The following DRD2 variants were observed in gnomAD, a reference collection of about 807,000 sequenced individuals.
The protein encoded by DRD2 is D(2) dopamine receptor.
DRD2 carries 8 observed loss-of-function variants against 38.0 expected under a neutral mutation model. The observed-to-expected ratio is 0.21, with a 90% CI of 0.12 to 0.38. DRD2 has a LOEUF of 0.38. DRD2 is among the 10% of genes least tolerant of loss of function. The probability of loss-of-function intolerance (pLI) is 1.00; values close to 1 mark genes in which losing one functional copy is unlikely to be tolerated. For missense variants in DRD2, 403 were observed against 607.7 expected (o/e 0.66, Z 3.54); for synonymous variants, 230 against 238.6 (o/e 0.96, Z 0.33).
chr11:113,413,317 C>G (rs1399506936), intron 6 of DRD2: 1 of 535,294 alleles, frequency 1.9e-6, no homozygotes, highest in Non-Finnish European at 3.7e-6. Flanking sequence ...GGGCCCAGTG[C>G]TCCCACTTCA....
At chr11:113,421,218 C>T (rs1950881093) in intron 2 of DRD2, among the ~76,000 whole-genome samples, 1 of 152,168 alleles carries the variant, frequency 6.6e-6, no homozygotes, top group African/African-American at 2.4e-5. Context: ...TGAAAGTCTT[C>T]CCTGACACCC....
intron 1 of DRD2, among the ~76,000 whole-genome samples, chr11:113,463,277 G>C (rs1040527385): frequency 6.6e-6 from 1 of 152,212 alleles, no homozygotes; most frequent in African/African-American, 2.4e-5. Flanking sequence ...TTTGGAGCTG[G>C]TTAAATTGGG....
At chr11:113,452,609 A>G (rs1329974073) in intron 1 of DRD2, among the ~76,000 whole-genome samples, 1 of 150,218 alleles carries the variant, frequency 6.7e-6, no homozygotes, top group Non-Finnish European at 1.5e-5. Context: ...ACCACTGGAT[A>G]TCCCAGTAGT....
intron 1 of DRD2, among the ~76,000 whole-genome samples, chr11:113,431,929 C>T (rs1950991133): frequency 6.6e-6 from 1 of 152,256 alleles, no homozygotes; most frequent in Non-Finnish European, 1.5e-5. Flanking sequence ...CCACCCTGCT[C>T]AGGCCACCCA....
At chr11:113,432,593 G>C (rs1181385966) in intron 1 of DRD2, among the ~76,000 whole-genome samples, 1 of 152,170 alleles carries the variant, frequency 6.6e-6, no homozygotes, top group Admixed American at 6.5e-5. Flanking sequence ...TCTTTTCTGA[G>C]ATGCAAAGCA....
intron 1 of DRD2, among the ~76,000 whole-genome samples, chr11:113,451,387 C>T (rs1249188416): frequency 1.3e-5 from 2 of 152,086 alleles, no homozygotes; most frequent in African/African-American, 2.4e-5. Context: ...GATTTTGTTG[C>T]CCTGTGAGAC....
At chr11:113,413,860 T>C (rs1404447766) in intron 6 of DRD2, 1 of 229,154 alleles carries the variant, frequency 4.4e-6, no homozygotes, top group African/African-American at 2.3e-5. Flanking sequence ...GCAGCTGCTC[T>C]GCTGCGTCCT....
intron 1 of DRD2, among the ~76,000 whole-genome samples, chr11:113,451,970 T>G (rs148970486): frequency 5.9e-4 from 90 of 152,304 alleles, no homozygotes; most frequent in Non-Finnish European, 9.8e-4. Context: ...CTGAGTGAGC[T>G]CCATTGTCCC....
At chr11:113,425,799 G>C (rs1950936409) in intron 1 of DRD2, among the ~76,000 whole-genome samples, 1 of 152,172 alleles carries the variant, frequency 6.6e-6, no homozygotes, top group Non-Finnish European at 1.5e-5. Context: ...CTAAATGAGA[G>C]GGGTGGGGGG....
At chr11:113,469,973 G>A (rs941901990) in intron 1 of DRD2, among the ~76,000 whole-genome samples, 2 of 152,176 alleles carry the variant, frequency 1.3e-5, no homozygotes, top group African/African-American at 2.4e-5. Flanking sequence ...TGAGCACAGC[G>A]CCCTGCACAC....
chr11:113,471,865 T>C (rs1037982416), intron 1 of DRD2, among the ~76,000 whole-genome samples: 8 of 152,160 alleles, frequency 5.3e-5, no homozygotes, highest in Non-Finnish European at 1.2e-4. Flanking sequence ...CCCAGGAAAA[T>C]GCAAATGACT....
intron 1 of DRD2, among the ~76,000 whole-genome samples, chr11:113,426,573 C>A (rs913139515): frequency 8.5e-5 from 13 of 152,142 alleles, no homozygotes; most frequent in African/African-American, 3.1e-4. Context: ...ATGAACAGGG[C>A]ACACCTCCAG....
In DRD2 at chr11:113,412,701, G is replaced by A. The variant is rs375783558; in HGVS notation, c.993C>T (p.Ala331=). The A allele has an allele frequency of 4.3e-6, 7 of 1,614,112 alleles. No individual in the cohort carries two copies. The African/African-American group carries it at 6.7e-5, about 15-fold the overall frequency. Reference sequence around the variant, plus strand: ...TCTTGGCAATCTTGGGGTGGTCTTTGGCATGCCCATTCTTCTCTGGTTTGG... The same window carrying A: ...TCTTGGCAATCTTGGGGTGGTCTTTAGCATGCCCATTCTTCTCTGGTTTGG... ...SPAKPEKNGH[A]KDHPKIAKIF... Residue 331 remains alanine, a synonymous_variant, in exon 7 of 8, where the codon GCC becomes GCT. Transcript: ENST00000362072.
At chr11:113,447,340 C>A (rs368466566) in intron 1 of DRD2, among the ~76,000 whole-genome samples, 59 of 152,042 alleles carry the variant, frequency 3.9e-4, no homozygotes, top group African/African-American at 1.3e-3. Context: ...GGAGCTCTCT[C>A]GGGCTTTTAA....
chr11:113,450,764 A>C (rs1412492794), intron 1 of DRD2, among the ~76,000 whole-genome samples: 1 of 152,230 alleles, frequency 6.6e-6, no homozygotes, highest in Non-Finnish European at 1.5e-5. Flanking sequence ...CAGAACCCGT[A>C]AATGAAGGAG....
intron 1 of DRD2, among the ~76,000 whole-genome samples, chr11:113,429,345 C>T (rs1028219861): frequency 5.3e-5 from 8 of 152,154 alleles, no homozygotes; most frequent in South Asian, 2.1e-4. Flanking sequence ...CCTGGATTCA[C>T]GCCATTCTCC....
intron 1 of DRD2, among the ~76,000 whole-genome samples, chr11:113,441,213 C>T (rs976330727): frequency 1.3e-5 from 2 of 152,184 alleles, no homozygotes; most frequent in South Asian, 4.1e-4. Context: ...AACTTATGGG[C>T]AGACCATAAC....
At chr11:113,455,047 A>C (rs1951255405) in intron 1 of DRD2, among the ~76,000 whole-genome samples, 1 of 152,136 alleles carries the variant, frequency 6.6e-6, no homozygotes, top group Admixed American at 6.6e-5. Flanking sequence ...ATAGGGGAAA[A>C]GCTATAAGAT....
intron 1 of DRD2, among the ~76,000 whole-genome samples, chr11:113,456,158 G>T (rs1161085978): frequency 6.6e-6 from 1 of 152,158 alleles, no homozygotes; most frequent in Non-Finnish European, 1.5e-5. Context: ...GGTGAATCTA[G>T]GGGACATTAC....
Sources: gnomAD v4.1 joint callset for allele counts (sites outside exome capture counted in the v4.1 genomes callset) on GRCh38, gnomAD v4.1.1 for gene constraint, MANE v1.5 for transcripts, NCBI Gene and HGNC (gene_info 2026-07-23, HGNC 2026-07-21) for gene names.